SLC16A10: variants seen among roughly 807,000 people sequenced by gnomAD.
The protein encoded by SLC16A10 is solute carrier family 16 member 10.
SLC16A10 carries 27 observed loss-of-function variants against 40.0 expected under a neutral mutation model. The ratio of observed to expected loss-of-function variants is 0.67; its 90% CI spans 0.50 to 0.93. The LOEUF (loss-of-function observed/expected upper bound fraction) is 0.93, where lower values mean the gene tolerates loss of function less well. Among genes scored for constraint, SLC16A10 ranks in the 40% least tolerant of loss-of-function variants. The pLI is 0.00. For synonymous variants in SLC16A10, 213 were observed against 249.8 expected (o/e 0.85, Z 1.39); for missense variants, 529 against 658.2 (o/e 0.80, Z 2.15).
intron 1 of SLC16A10, among the ~76,000 whole-genome samples, chr6:111,160,545 C>A (rs1375935142): frequency 6.6e-6 from 1 of 152,234 alleles, no homozygotes; most frequent in South Asian, 2.1e-4. Flanking sequence ...CTTTGCCAAC[C>A]AGGGACTCAC....
intron 4 of SLC16A10, among the ~76,000 whole-genome samples, chr6:111,214,981 TG>T (rs1264838911): frequency 2.6e-5 from 4 of 151,988 alleles, no homozygotes; most frequent in African/African-American, 9.7e-5. Context: ...TAGCCAGGCG[TG>T]GTAGTGGGCG....
At position 111,120,861 on chromosome 6, in the gene SLC16A10, G is replaced by A. The variant is rs536650538; in HGVS notation, c.343+32766G>A. Among the ~76,000 whole-genome samples, 164 of 152,280 alleles carry A rather than the reference G, an allele frequency of 1.1e-3. 1 individual carries two copies. Among genetic ancestry groups the A allele is most frequent in the African/African-American group, 3.6e-3 (149 of 41,578 alleles). On this transcript the variant is annotated intron_variant, in intron 1 of 5. Transcript: ENST00000368851. Reference sequence around the variant, plus strand: ...TTGACTTGGAAACATTTATCTTAAGGTGTTAGGGTTATTTTTATTCTTTAG... The same window carrying A: ...TTGACTTGGAAACATTTATCTTAAGATGTTAGGGTTATTTTTATTCTTTAG...
chr6:111,089,036 T>G (rs1478624927), intron 1 of SLC16A10, among the ~76,000 whole-genome samples: 1 of 152,166 alleles, frequency 6.6e-6, no homozygotes, highest in African/African-American at 2.4e-5. Context: ...CTTCAAGGGC[T>G]AAGTGATTTC....
At chr6:111,105,194 C>G (rs920146454) in intron 1 of SLC16A10, among the ~76,000 whole-genome samples, 1 of 152,108 alleles carries the variant, frequency 6.6e-6, no homozygotes, top group Non-Finnish European at 1.5e-5. Context: ...ACAGTCATTT[C>G]AACTAATTTA....
intron 4 of SLC16A10, among the ~76,000 whole-genome samples, chr6:111,211,063 G>A (rs1304520384): frequency 6.6e-6 from 1 of 151,498 alleles, no homozygotes; most frequent in Non-Finnish European, 1.5e-5. Context: ...GTTGGAGGAC[G>A]TAGGTCTGAT....
intron 1 of SLC16A10, among the ~76,000 whole-genome samples, chr6:111,122,555 T>C (rs994032248): frequency 5.9e-5 from 9 of 152,208 alleles, no homozygotes; most frequent in Admixed American, 6.5e-5. Flanking sequence ...TGAGGTACAG[T>C]TCATCCATGC....
intron 1 of SLC16A10, among the ~76,000 whole-genome samples, chr6:111,096,827 T>A (rs753387976): frequency 1.3e-4 from 20 of 152,178 alleles, no homozygotes; most frequent in Non-Finnish European, 2.5e-4. Flanking sequence ...TCTTTTCTTT[T>A]TTTTGTTAAG....
At chr6:111,163,298 G>A (rs34641960) in intron 1 of SLC16A10, among the ~76,000 whole-genome samples, 6,911 of 149,536 alleles carry the variant, frequency 0.046, 230 homozygotes, top group Non-Finnish European at 0.064. Flanking sequence ...GACTACAGGC[G>A]CCCGCCACTA....
intron 1 of SLC16A10, among the ~76,000 whole-genome samples, chr6:111,135,560 A>C (rs1269431486): frequency 6.6e-6 from 1 of 152,166 alleles, no homozygotes; most frequent in Non-Finnish European, 1.5e-5. Flanking sequence ...ACAGTCCTGG[A>C]CCTTAAGGAT....
In SLC16A10 at chr6:111,227,196, G is replaced by A. The variant is rs1771017890; in HGVS notation, c.*4961G>A. 1 of 152,218 alleles carries A rather than the reference G, an allele frequency of 6.6e-6. No individual in the cohort carries two copies. Among genetic ancestry groups the A allele is most frequent in the Non-Finnish European group, 1.5e-5 (1 of 68,046 alleles). 9.4% of individuals were successfully genotyped at this position (152,218 alleles called of 1,614,324 possible). On this transcript the variant is annotated 3_prime_UTR_variant, in exon 6 of 6. Coordinates refer to ENST00000368851, the MANE Select transcript of SLC16A10 (RefSeq NM_018593.5). ...TTTTGTTGATAGCTTGGTCTAAAAAGACTGTCTAGAGCTGAATTTAAGAAT... is the reference window on the plus strand; with the variant it reads ...TTTTGTTGATAGCTTGGTCTAAAAAAACTGTCTAGAGCTGAATTTAAGAAT...
At position 111,176,696 on chromosome 6, in the gene SLC16A10, C is replaced by T. The variant is rs111962067; in HGVS notation, c.489-516C>T. On this transcript the variant is annotated intron_variant, in intron 2 of 5. Transcript: ENST00000368851. ...TCTGTGCAAATGTTCCTGACATAAC[C>T]TTGGGGAAAAAATATAAAATGCGGC... 8.8e-3 allele frequency among the ~76,000 whole-genome samples: 1,344 copies of T among 152,292 alleles called. 11 individuals carry two copies. The highest frequency in any genetic ancestry group is 0.024 in the Middle Eastern group (7 of 294).
intron 1 of SLC16A10, among the ~76,000 whole-genome samples, 163 bp from the exon 2 acceptor site, chr6:111,172,532 A>C (rs1426070585): frequency 3.9e-5 from 6 of 152,214 alleles, no homozygotes; most frequent in African/African-American, 1.4e-4. Flanking sequence ...CAAATATTCT[A>C]CTAGTGTATG....
At chr6:111,111,282 T>G (rs1339019039) in intron 1 of SLC16A10, among the ~76,000 whole-genome samples, 1 of 152,232 alleles carries the variant, frequency 6.6e-6, no homozygotes, top group Non-Finnish European at 1.5e-5. Context: ...TTGTATTATG[T>G]ATAACATGAT....
chr6:111,180,939 G>A (rs1217576832), intron 3 of SLC16A10, among the ~76,000 whole-genome samples: 2 of 152,210 alleles, frequency 1.3e-5, no homozygotes, highest in African/African-American at 2.4e-5. Context: ...TCTGGGCCTG[G>A]TGCGGTGGCT....
intron 3 of SLC16A10, among the ~76,000 whole-genome samples, chr6:111,197,977 A>G (rs1046567738): frequency 3.6e-4 from 55 of 152,156 alleles, no homozygotes; most frequent in African/African-American, 1.3e-3. Flanking sequence ...AGGGACAAAC[A>G]TTCAAACCAT....
chr6:111,128,297 T>C (rs886759194), intron 1 of SLC16A10, among the ~76,000 whole-genome samples: 7 of 152,176 alleles, frequency 4.6e-5, no homozygotes, highest in African/African-American at 7.2e-5. Context: ...ATTTTACAGA[T>C]GAGGAAAATG....
intron 2 of SLC16A10, among the ~76,000 whole-genome samples, chr6:111,176,805 A>T (rs969212733): frequency 2.6e-5 from 4 of 152,330 alleles, no homozygotes; most frequent in East Asian, 1.9e-4. Flanking sequence ...TAACTTTTTT[A>T]AAAAATGTTT....
intron 5 of SLC16A10, among the ~76,000 whole-genome samples, chr6:111,219,530 A>G (rs1475185206): frequency 6.6e-6 from 1 of 151,950 alleles, no homozygotes; most frequent in Non-Finnish European, 1.5e-5. Context: ...TAAAAAAAAA[A>G]AAAGTTGAAG....
intron 4 of SLC16A10, among the ~76,000 whole-genome samples, chr6:111,213,288 G>A (rs1295797767): frequency 6.6e-6 from 1 of 152,214 alleles, no homozygotes; most frequent in Non-Finnish European, 1.5e-5. Flanking sequence ...TCCTGAGGAG[G>A]TGAATGGGCA....
Sources: gnomAD v4.1 joint callset for allele counts (sites outside exome capture counted in the v4.1 genomes callset) on GRCh38, gnomAD v4.1.1 for gene constraint, MANE v1.5 for transcripts, NCBI Gene and HGNC (gene_info 2026-07-23, HGNC 2026-07-21) for gene names.